C4orf51: variants seen among roughly 807,000 people sequenced by gnomAD.
C4orf51 encodes the protein chromosome 4 open reading frame 51.
C4orf51 carries 25 observed loss-of-function variants against 25.2 expected under a neutral mutation model. That is an observed-to-expected ratio of 0.99 (90% confidence interval 0.72 to 1.39). C4orf51 has a LOEUF of 1.39. C4orf51 is among the 40% of genes most tolerant of loss of function. The pLI, the probability that C4orf51 is intolerant of heterozygous loss-of-function variation, is 0.00. For synonymous variants in C4orf51, 100 were observed against 84.5 expected, an observed-to-expected ratio of 1.18 and a Z score of -1.01; for missense variants, 252 against 239.6, an observed-to-expected ratio of 1.05 and a Z score of -0.34.
At chr4:145,750,248 G>C (rs1733598839) in intron 1 of C4orf51, among the ~76,000 whole-genome samples, 1 of 151,236 alleles carries the variant, frequency 6.6e-6, no homozygotes, top group South Asian at 2.1e-4. Flanking sequence ...TTTTTTTATT[G>C]CTCATTAACA....
At chr4:145,724,056 A>G (rs1731902910) in intron 2 of C4orf51, among the ~76,000 whole-genome samples, 1 of 152,192 alleles carries the variant, frequency 6.6e-6, no homozygotes, top group Admixed American at 6.5e-5. Flanking sequence ...CACAAATTCT[A>G]ATGCCTGGTT....
At chr4:145,776,094 C>T in the C4orf51 span, 2 of 988,418 alleles carry the variant, frequency 2.0e-6, no homozygotes, top group African/African-American at 1.6e-5. Flanking sequence ...ATGGTAATGC[C>T]TAGGAATTGT....
Position 145,680,153 on chromosome 4 carries a change from C to T in C4orf51, c.-51C>T, listed in dbSNP as rs1432665634. ...TGCTACTAGAAGGAAATTAATTCTT[C>T]ATTATGCAGAGGACTTGACAAGTTG... On this transcript the variant is annotated 5_prime_UTR_variant, in exon 1 of 6. Coordinates refer to ENST00000438731, the MANE Select transcript of C4orf51 (RefSeq NM_001080531.3). 23 of 1,343,200 alleles carry T rather than the reference C, an allele frequency of 1.7e-5. No homozygotes were observed. Among genetic ancestry groups the T allele is most frequent in the Non-Finnish European group, 2.1e-5 (20 of 935,592 alleles). The allele number at this position is 1,343,200 out of a possible 1,614,324, so 83.2% of individuals were successfully genotyped here.
At chr4:145,699,842 C>G (rs1730311580) in intron 2 of C4orf51, among the ~76,000 whole-genome samples, 1 of 152,030 alleles carries the variant, frequency 6.6e-6, no homozygotes, top group Non-Finnish European at 1.5e-5. Flanking sequence ...CTCTCCTTGT[C>G]TCTACCCCTT....
intron 3 of C4orf51, among the ~76,000 whole-genome samples, chr4:145,728,591 G>A (rs72952643): frequency 0.011 from 1,731 of 152,242 alleles, 36 homozygotes; most frequent in African/African-American, 0.039. Context: ...TTTGTCGACT[G>A]ATCAATATAT....
chr4:145,712,975 T>A (rs1277877050), intron 2 of C4orf51, among the ~76,000 whole-genome samples: 1 of 152,228 alleles, frequency 6.6e-6, no homozygotes, highest in Non-Finnish European at 1.5e-5. Context: ...ACCTGTGCTG[T>A]ATCAATGGGA....
intron 2 of C4orf51, among the ~76,000 whole-genome samples, chr4:145,724,584 C>T (rs1027735976): frequency 1.3e-5 from 2 of 151,938 alleles, no homozygotes; most frequent in African/African-American, 4.8e-5. Flanking sequence ...CAGTATAATT[C>T]GTCATTAAAA....
rs199646419 is a variant in C4orf51 at position 145,688,047 on chromosome 4, C to A, written c.233+7611C>A. On this transcript the variant is annotated intron_variant, in intron 1 of 5. Coordinates refer to ENST00000438731, the MANE Select transcript of C4orf51 (RefSeq NM_001080531.3). ...AGTGAGACTTCATCTCTGCAAAAAT[C>A]AAAAAAATAGCCAGGTGGTGGTATA... Among the ~76,000 whole-genome samples, 86 of 151,076 alleles carry A rather than the reference C, an allele frequency of 5.7e-4. 1 individual carries two copies. The highest frequency in any genetic ancestry group is 5.5e-3 in the East Asian group (28 of 5,124).
At chr4:145,786,933 T>C in the C4orf51 span, among the ~76,000 whole-genome samples, 1 of 152,188 alleles carries the variant, frequency 6.6e-6, no homozygotes, top group Non-Finnish European at 1.5e-5. Flanking sequence ...GCAGCCACAA[T>C]GCAGATGGCT....
At chr4:145,783,503 A>G in the C4orf51 span, among the ~76,000 whole-genome samples, 1 of 152,222 alleles carries the variant, frequency 6.6e-6, no homozygotes, top group East Asian at 1.9e-4. Flanking sequence ...CCTCTTCCCA[A>G]TAGCATCAAG....
intron 2 of C4orf51, among the ~76,000 whole-genome samples, chr4:145,707,962 G>A (rs1307271698): frequency 6.6e-6 from 1 of 152,248 alleles, no homozygotes; most frequent in African/African-American, 2.4e-5. Context: ...TCCCAGGGGT[G>A]GTTTGGCCCT....
intron 1 of C4orf51, among the ~76,000 whole-genome samples, chr4:145,681,742 G>GT (rs796579902): frequency 3.9e-5 from 6 of 152,310 alleles, no homozygotes; most frequent in African/African-American, 1.4e-4. Flanking sequence ...GATAGAGAGA[G>GT]ATACCAGAAA....
rs562019369 is a variant in C4orf51, at chr4:145,707,147, G to T, written c.307+10515G>T. Reference sequence around the variant, plus strand: ...GTAGAGACGGAGTTTCACTGTGTTAGCCAGGATGGTCTCGATCCCCTGACC... The same window carrying T: ...GTAGAGACGGAGTTTCACTGTGTTATCCAGGATGGTCTCGATCCCCTGACC... On this transcript the variant is annotated intron_variant, in intron 2 of 5. Transcript: ENST00000438731. Among the ~76,000 whole-genome samples, 245 of 151,956 alleles carry T rather than the reference G, an allele frequency of 1.6e-3. 1 individual carries two copies. Among genetic ancestry groups the T allele is most frequent in the Non-Finnish European group, 2.9e-3 (195 of 67,962 alleles).
chr4:145,703,782 G>A (rs1331168061), intron 2 of C4orf51, among the ~76,000 whole-genome samples: 2 of 152,158 alleles, frequency 1.3e-5, no homozygotes, highest in African/African-American at 4.8e-5. Context: ...TTTGTGTATA[G>A]TGTAAGATAG....
intron 5 of C4orf51, among the ~76,000 whole-genome samples, chr4:145,731,107 A>C (rs1433941920): frequency 6.6e-6 from 1 of 152,174 alleles, no homozygotes; most frequent in East Asian, 1.9e-4. Context: ...TGTAGGGTTG[A>C]TGCCTGTTTC....
In C4orf51 at chr4:145,762,424, T is replaced by C. The variant is rs1407906536; in HGVS notation, n.167-8564T>C. 3.3e-5 allele frequency among the ~76,000 whole-genome samples: 5 copies of C among 152,226 alleles called. No individual in the cohort carries two copies. The highest frequency in any genetic ancestry group is 2.1e-4 in the South Asian group (1 of 4,828). ...GAGATAGGATAATAATCCAACTGGA[T>C]TGGAAATTCTCAGAGGGCAGGACCA... On this transcript the variant is annotated intron_variant and non_coding_transcript_variant, in intron 1 of 1. Coordinates refer to the C4orf51 transcript ENST00000510096. This position sits in a 1 kb window ranked among gnomAD's most constrained non-coding sequence, Gnocchi z 4.9.
At chr4:145,719,979 C>T (rs988454815) in intron 2 of C4orf51, among the ~76,000 whole-genome samples, 7 of 152,214 alleles carry the variant, frequency 4.6e-5, no homozygotes, top group South Asian at 2.1e-4. Flanking sequence ...GTGAGTATCT[C>T]GTGGCTTCCG....
Position 145,765,262 on chromosome 4 carries a change from C to T in C4orf51, n.167-5726C>T, listed in dbSNP as rs79822587. 233,852 of 1,339,574 alleles carry T rather than the reference C, an allele frequency of 0.17. 28,220 individuals are homozygous for T. Among genetic ancestry groups the T allele is most frequent in the East Asian group, 0.69 (27,520 of 40,032 alleles). 83.0% of individuals were successfully genotyped at this position (1,339,574 alleles called of 1,614,324 possible). ...TCCTCCCCACTTCCTCCCGCCTCCT[C>T]CGACGCCTGACAGCTATACCCTTCC... On this transcript the variant is annotated intron_variant and non_coding_transcript_variant, in intron 1 of 1. Coordinates refer to the C4orf51 transcript ENST00000510096. The surrounding 1 kb of genome is among the most constrained non-coding windows in gnomAD (Gnocchi z 4.7).
At chr4:145,754,681 T>A (rs981492025), downstream of C4orf51, among the ~76,000 whole-genome samples, 1 of 152,222 alleles carries the variant, frequency 6.6e-6, no homozygotes, top group Non-Finnish European at 1.5e-5. Flanking sequence ...GCGCCTGTAA[T>A]CCCAGCACTT....
Sources: gnomAD v4.1 joint callset for allele counts (sites outside exome capture counted in the v4.1 genomes callset) on GRCh38, gnomAD v4.1.1 for gene constraint, Gnocchi (gnomAD v3.1) non-coding constraint, MANE v1.5 for transcripts, NCBI Gene and HGNC (gene_info 2026-07-23, HGNC 2026-07-21) for gene names.